NOP9: variants seen among roughly 807,000 people sequenced by gnomAD.
NOP9 encodes the protein nucleolar protein 9.
Under a neutral mutation model 63.0 loss-of-function variants are expected in NOP9, and 50 were observed. That is an observed-to-expected ratio of 0.79 (90% CI 0.63 to 1.00). NOP9 has a LOEUF of 1.00. Among genes scored for constraint, NOP9 ranks in the 50% least tolerant of loss-of-function variants. The pLI is 0.00. For missense variants in NOP9, 758 were observed against 803.0 expected (o/e 0.94, Z 0.68); for synonymous variants, 343 against 332.8 (o/e 1.03, Z -0.33).
At chr14:24,298,109 A>G (rs987385640), upstream of NOP9, among the ~76,000 whole-genome samples, 2 of 152,020 alleles carry the variant, frequency 1.3e-5, no homozygotes, top group Non-Finnish European at 2.9e-5. Flanking sequence ...GCAGTGGTGC[A>G]ATCATAGCTC....
upstream of NOP9, among the ~76,000 whole-genome samples, chr14:24,297,678 A>G (rs191581866): frequency 1.3e-5 from 2 of 152,302 alleles, no homozygotes; most frequent in Admixed American, 1.3e-4. Flanking sequence ...TGAGTTCTCT[A>G]TTAGGGTCTT....
chr14:24,272,402 C>T, the NOP9 span, among the ~76,000 whole-genome samples: 1 of 152,174 alleles, frequency 6.6e-6, no homozygotes, highest in Non-Finnish European at 1.5e-5. Flanking sequence ...TAAACATTGG[C>T]CTTTATGTTT....
At chr14:24,271,920 C>T in the NOP9 span, among the ~76,000 whole-genome samples, 10 of 152,130 alleles carry the variant, frequency 6.6e-5, no homozygotes, top group African/African-American at 2.4e-4. Context: ...TCTCTAACCT[C>T]TGAAGCATTT....
chr14:24,303,947 T>G, intron 7 of NOP9, 90 bp downstream of exon 7: 1 of 1,586,898 alleles, frequency 6.3e-7, no homozygotes, highest in Non-Finnish European at 8.6e-7. Flanking sequence ...GTGAGAGTGG[T>G]GACTTCATCC....
chr14:24,303,872 A>T lies in NOP9; in HGVS notation c.1410+15A>T, dbSNP rs1418693345. ...CAGAGCACCAGGTGAGGTAGGGGAG[A>T]GGCCAAGCCAGTGACTAATTGGGAG... On this transcript the variant is annotated intron_variant, in intron 7 of 9. Coordinates refer to ENST00000267425, the MANE Select transcript of NOP9 (RefSeq NM_174913.3). The T allele has an allele frequency of 6.2e-7, 1 of 1,611,824 alleles. No homozygotes were observed. Among genetic ancestry groups the T allele is most frequent in the Non-Finnish European group, 8.5e-7 (1 of 1,178,190 alleles).
the NOP9 span, among the ~76,000 whole-genome samples, chr14:24,289,429 T>C: frequency 6.6e-6 from 1 of 152,086 alleles, no homozygotes; most frequent in Admixed American, 6.6e-5. Flanking sequence ...CCCAGCCCCA[T>C]TGGTGGATTT....
At chr14:24,275,022 C>T in the NOP9 span, among the ~76,000 whole-genome samples, 1 of 149,914 alleles carries the variant, frequency 6.7e-6, no homozygotes, top group Non-Finnish European at 1.5e-5. Context: ...AAGCGATTCT[C>T]CTGCCTCAGT....
At chr14:24,273,433 C>T in the NOP9 span, among the ~76,000 whole-genome samples, 2 of 152,214 alleles carry the variant, frequency 1.3e-5, no homozygotes, top group Non-Finnish European at 2.9e-5. Flanking sequence ...CCCACCTTGG[C>T]CTCCCAGAGT....
upstream of NOP9, chr14:24,296,621 G>A: frequency 1.2e-6 from 2 of 1,613,880 alleles, no homozygotes; most frequent in Non-Finnish European, 1.7e-6. Context: ...TGAATGATCT[G>A]AAGGTAGGGA....
At chr14:24,304,822 T>A in intron 9 of NOP9, 116 bp from the exon 10 acceptor site, 1 of 1,189,084 alleles carries the variant, frequency 8.4e-7, no homozygotes, top group East Asian at 2.4e-5. Flanking sequence ...GAAAGTGAAG[T>A]GTTCACTTTA....
Position 24,307,626 on chromosome 14 carries a change from A to G in NOP9, c.*2531A>G. The G allele has an allele frequency of 1.5e-6, 2 of 1,308,588 alleles. No individual in the cohort carries two copies. The allele number at this position is 1,308,588 out of a possible 1,614,324, so 81.1% of individuals were successfully genotyped here. ...GCTAGGGAGGGAGAGATCTAGGTTT[A>G]TCGATTAGGGATGAGGGAGAGACCA... is the stretch of plus-strand genomic sequence containing the variant. On this transcript the variant is annotated 3_prime_UTR_variant, in exon 10 of 10. Transcript: ENST00000267425.
Position 24,307,444 on chromosome 14 carries a change from A to G in NOP9, c.*2349A>G. The G allele has an allele frequency of 6.2e-7, 1 of 1,613,942 alleles. No individual in the cohort carries two copies. The highest frequency in any genetic ancestry group is 8.5e-7 in the Non-Finnish European group (1 of 1,179,972). On this transcript the variant is annotated 3_prime_UTR_variant, in exon 10 of 10. Transcript: ENST00000267425. ...GGTCCGCTTGTGATCACAGACACGG[A>G]AAGGTCGCTGGGGTGGTGGAGCTGA... is the stretch of plus-strand genomic sequence containing the variant.
chr14:24,286,993 G>A, the NOP9 span, among the ~76,000 whole-genome samples: 8 of 150,508 alleles, frequency 5.3e-5, no homozygotes, highest in East Asian at 1.4e-3. Flanking sequence ...GGGTTCAAGC[G>A]ATCCTCCTGC....
the NOP9 span, among the ~76,000 whole-genome samples, chr14:24,279,957 C>G: frequency 6.6e-6 from 1 of 152,164 alleles, no homozygotes; most frequent in Admixed American, 6.5e-5. Context: ...GGTAGATGAA[C>G]ACAGGGGGCT....
At chr14:24,288,988 T>C in the NOP9 span, among the ~76,000 whole-genome samples, 1 of 151,954 alleles carries the variant, frequency 6.6e-6, no homozygotes, top group Non-Finnish European at 1.5e-5. Flanking sequence ...TAATTTTTTT[T>C]TTTTTTAGAT....
chr14:24,288,232 A>G, the NOP9 span, among the ~76,000 whole-genome samples: 2 of 152,318 alleles, frequency 1.3e-5, no homozygotes, highest in South Asian at 2.1e-4. Flanking sequence ...CCATGGCTGA[A>G]ATGAAAGTCT....
chr14:24,286,161 C>T, the NOP9 span, among the ~76,000 whole-genome samples: 1 of 152,196 alleles, frequency 6.6e-6, no homozygotes, highest in Non-Finnish European at 1.5e-5. Context: ...GGCACACTGG[C>T]TTCTCCTTCA....
the NOP9 span, chr14:24,291,321 A>G: frequency 1.6e-6 from 2 of 1,282,996 alleles, no homozygotes; most frequent in South Asian, 2.4e-5. Context: ...CCTGGAGCTC[A>G]GGATCCCTGG....
In NOP9 at chr14:24,306,275, C is replaced by T. The variant is rs1594626876; in HGVS notation, c.*1180C>T. On this transcript the variant is annotated 3_prime_UTR_variant, in exon 10 of 10. Coordinates refer to ENST00000267425, the MANE Select transcript of NOP9 (RefSeq NM_174913.3). ...CATCCTTGACAATTCCACAACTCCTCCTGCACCTGGTCCCCAGGATCAGGG... is the reference window on the plus strand; with the variant it reads ...CATCCTTGACAATTCCACAACTCCTTCTGCACCTGGTCCCCAGGATCAGGG... 5.1e-6 allele frequency: 8 copies of T among 1,557,054 alleles called. No homozygotes were observed. The East Asian group carries it at 1.6e-4, about 31-fold the overall frequency.
Sources: gnomAD v4.1 joint callset for allele counts (sites outside exome capture counted in the v4.1 genomes callset) on GRCh38, gnomAD v4.1.1 for gene constraint, MANE v1.5 for transcripts, NCBI Gene and HGNC (gene_info 2026-07-23, HGNC 2026-07-21) for gene names.